ZPLD1: variants seen among roughly 807,000 people sequenced by gnomAD.
ZPLD1 encodes zona pellucida like domain containing 1, also known as zona pellucida-like domain-containing protein 1.
Under a neutral mutation model 47.2 loss-of-function variants are expected in ZPLD1, and 34 were observed. The observed-to-expected ratio is 0.72, with a 90% CI of 0.55 to 0.96. The LOEUF is 0.96. Among genes scored for constraint, ZPLD1 ranks in the 40% least tolerant of loss-of-function variants. The pLI is 0.00. For missense variants in ZPLD1, 512 were observed against 505.8 expected, an observed-to-expected ratio of 1.01 and a Z score of -0.12; for synonymous variants, 176 against 186.2, an observed-to-expected ratio of 0.95 and a Z score of 0.45.
intron 7 of ZPLD1, among the ~76,000 whole-genome samples, chr3:102,393,506 T>C (rs1706523824): frequency 6.6e-6 from 1 of 152,126 alleles, no homozygotes; most frequent in South Asian, 2.1e-4. Context: ...TAACAGAGTT[T>C]GCAATTTTGA....
intron 11 of ZPLD1, 141 bp downstream of exon 11, chr3:102,477,182 C>T (rs1707770929): frequency 1.5e-5 from 15 of 1,018,158 alleles, no homozygotes; most frequent in Non-Finnish European, 2.2e-5. Flanking sequence ...TTTTCAAACT[C>T]ATATGTGATC....
chr3:102,467,098 TAAGTAAGG>T (rs747864427), intron 8 of ZPLD1, among the ~76,000 whole-genome samples: 1 of 152,004 alleles, frequency 6.6e-6, no homozygotes, highest in Non-Finnish European at 1.5e-5. Context: ...GGCCAACAAG[TAAGTAAGG>T]AAGTAAGGAT....
intron 3 of ZPLD1, among the ~76,000 whole-genome samples, chr3:102,450,936 TA>T (rs1248927763): frequency 2.0e-5 from 3 of 152,252 alleles, no homozygotes; most frequent in African/African-American, 7.2e-5. Context: ...TACTTGATTT[TA>T]AGTAGTGTTT....
At chr3:102,430,301 C>G (rs576064290), upstream of ZPLD1, among the ~76,000 whole-genome samples, 1 of 152,334 alleles carries the variant, frequency 6.6e-6, no homozygotes, top group African/African-American at 2.4e-5. Context: ...TCAACTGTTG[C>G]ATTTCTCAGA....
chr3:102,420,153 A>C lies in ZPLD1; in HGVS notation c.-9+1946A>C, dbSNP rs77938617. Among the ~76,000 whole-genome samples, 4 of 152,084 alleles carry C rather than the reference A, an allele frequency of 2.6e-5. No homozygotes were observed. The East Asian group carries it at 7.8e-4, about 29-fold the overall frequency. ...GGAATTTCAAACTCTCAAGACCTCA[A>C]TGATGAGGCAAAGAAAGGTACACCT... On this transcript the variant is annotated intron_variant, in intron 8 of 17. Coordinates refer to the ZPLD1 transcript ENST00000491959.
chr3:102,449,464 T>C (rs561443279), intron 3 of ZPLD1, among the ~76,000 whole-genome samples: 1 of 152,204 alleles, frequency 6.6e-6, no homozygotes, highest in South Asian at 2.1e-4. Context: ...AAATTCCATA[T>C]ATAAACAATT....
chr3:102,432,317 G>T (rs1244402279), upstream of ZPLD1, among the ~76,000 whole-genome samples: 1 of 152,138 alleles, frequency 6.6e-6, no homozygotes, highest in East Asian at 1.9e-4. Context: ...GGAGAGCCAA[G>T]AATTAGAGGA....
At chr3:102,463,254 AAC>A (rs960146953) in intron 7 of ZPLD1, among the ~76,000 whole-genome samples, 1 of 152,178 alleles carries the variant, frequency 6.6e-6, no homozygotes, top group African/African-American at 2.4e-5. Flanking sequence ...TCTTCACCCT[AAC>A]ACAGTGTCTA....
chr3:102,425,938 A>G (rs1706940428), intron 8 of ZPLD1, among the ~76,000 whole-genome samples: 2 of 151,298 alleles, frequency 1.3e-5, no homozygotes, highest in African/African-American at 4.9e-5. Flanking sequence ...CACTTAGATG[A>G]TGTAGGTCCT....
At chr3:102,387,889 C>T (rs1244900806) in intron 6 of ZPLD1, among the ~76,000 whole-genome samples, 1 of 116,792 alleles carries the variant, frequency 8.6e-6, no homozygotes, top group Admixed American at 1.2e-4. Context: ...GACGGAGTCT[C>T]TCTCTCTGTC....
At chr3:102,427,790 TACAC>T (rs201691593) in intron 8 of ZPLD1, among the ~76,000 whole-genome samples, 2 of 152,124 alleles carry the variant, frequency 1.3e-5, no homozygotes, top group East Asian at 3.8e-4. Flanking sequence ...TTACATGAAA[TACAC>T]AGACAACATG....
chr3:102,466,069 G>A (rs1707586873), intron 8 of ZPLD1, among the ~76,000 whole-genome samples: 1 of 152,172 alleles, frequency 6.6e-6, no homozygotes, highest in South Asian at 2.1e-4. Flanking sequence ...ATCTCATAAA[G>A]TACCAGGAAA....
chr3:102,455,932 T>C (rs111588293), intron 4 of ZPLD1, among the ~76,000 whole-genome samples: 3 of 152,214 alleles, frequency 2.0e-5, no homozygotes, highest in African/African-American at 7.2e-5. Flanking sequence ...AATTACTTAT[T>C]GTAACCCTTC....
At chr3:102,387,703 C>T (rs888984954) in intron 6 of ZPLD1, among the ~76,000 whole-genome samples, 3 of 152,074 alleles carry the variant, frequency 2.0e-5, no homozygotes, top group African/African-American at 7.2e-5. Flanking sequence ...ATTTTAATCC[C>T]TTCTGAAACT....
chr3:102,437,070 G>A (rs1707102619), intron 2 of ZPLD1, 97 bp downstream of exon 2: 2 of 457,580 alleles, frequency 4.4e-6, no homozygotes, highest in African/African-American at 2.1e-5. Flanking sequence ...TCTAGTTGAA[G>A]TATCTTGAGG....
intron 8 of ZPLD1, among the ~76,000 whole-genome samples, chr3:102,426,989 CA>C (rs1285551004): frequency 6.6e-6 from 1 of 152,188 alleles, no homozygotes; most frequent in African/African-American, 2.4e-5. Flanking sequence ...AGAGCAAAGG[CA>C]GCTCTGTTTG....
At position 102,479,147 on chromosome 3, in the gene ZPLD1, C is replaced by A. The variant is rs1385876568; in HGVS notation, c.*1529C>A. 6.6e-6 allele frequency: 1 copy of A among 151,978 alleles called. No homozygotes were observed. Among genetic ancestry groups the A allele is most frequent in the Non-Finnish European group, 1.5e-5 (1 of 67,994 alleles). The allele number at this position is 151,978 out of a possible 1,614,324, so 9.4% of individuals were successfully genotyped here. A position where few individuals can be genotyped will look rare whatever the true frequency, so the allele number is the denominator to read the frequency against. The stretch of plus-strand genomic sequence containing the variant: ...AACTTTTTATTTCAAGGTATAGTTG[C>A]CAAGTAAAGTGGGATCTGGAAAGTC... On this transcript the variant is annotated 3_prime_UTR_variant, in exon 12 of 12. Transcript: ENST00000466937.
At chr3:102,450,245 C>T (rs962344813) in intron 3 of ZPLD1, among the ~76,000 whole-genome samples, 4 of 152,074 alleles carry the variant, frequency 2.6e-5, no homozygotes, top group South Asian at 2.1e-4. Flanking sequence ...TTAAAAATGC[C>T]GTACTGAGGA....
Position 102,473,275 on chromosome 3 carries a change from A to G in ZPLD1, c.1042+2773A>G, listed in dbSNP as rs141323995. Among the ~76,000 whole-genome samples the G allele has an allele frequency of 1.1e-3, 172 of 152,332 alleles. 1 individual carries two copies. The highest frequency in any genetic ancestry group is 3.8e-3 in the African/African-American group (158 of 41,576). ...AGACCCCCGAAATCCCAGTAAAGAT[A>G]AATAAGTAGAAGTCTCTAATTCTAA... On this transcript the variant is annotated intron_variant, in intron 10 of 11. Transcript: ENST00000466937.
Sources: allele counts gnomAD v4.1 joint callset (sites outside exome capture counted in the v4.1 genomes callset), GRCh38; gene constraint gnomAD v4.1.1; transcripts MANE v1.5; gene names NCBI Gene and HGNC (gene_info 2026-07-23, HGNC 2026-07-21).